Variants in ADAMTSL1 observed in about 807,000 individuals in gnomAD.
ADAMTSL1 encodes the protein ADAMTS-like protein 1.
A neutral mutation model predicts 201.8 loss-of-function variants in ADAMTSL1; 126 were observed. That is an observed-to-expected ratio of 0.62 (90% confidence interval 0.54 to 0.72). ADAMTSL1 has a LOEUF of 0.72. Among genes scored for constraint, ADAMTSL1 ranks in the 30% least tolerant of loss-of-function variants. The pLI, the probability that ADAMTSL1 is intolerant of heterozygous loss-of-function variation, is 0.00. For synonymous variants in ADAMTSL1, 1,121 were observed against 903.4 expected, an observed-to-expected ratio of 1.24 and a Z score of -4.32; for missense variants, 2,679 against 2,277.8, an observed-to-expected ratio of 1.18 and a Z score of -3.59.
intron 23 of ADAMTSL1, among the ~76,000 whole-genome samples, chr9:18,881,564 G>T (rs1289392626): frequency 6.6e-6 from 1 of 152,038 alleles, no homozygotes; most frequent in Non-Finnish European, 1.5e-5. Context: ...AATTACAATA[G>T]TAACATCAAA....
At chr9:18,226,404 G>C (rs1471575818) in intron 2 of ADAMTSL1, among the ~76,000 whole-genome samples, 1 of 152,086 alleles carries the variant, frequency 6.6e-6, no homozygotes, top group East Asian at 1.9e-4. Context: ...TATTGAGTCT[G>C]ACATCAGTTC....
At chr9:18,742,618 T>G (rs747330038) in intron 15 of ADAMTSL1, among the ~76,000 whole-genome samples, 1 of 152,144 alleles carries the variant, frequency 6.6e-6, no homozygotes, top group Admixed American at 6.5e-5. Context: ...TCCTTGATCT[T>G]GAGGTAGGAA....
chr9:18,538,767 C>A (rs555677029), intron 3 of ADAMTSL1, among the ~76,000 whole-genome samples: 1 of 152,264 alleles, frequency 6.6e-6, no homozygotes, highest in East Asian at 1.9e-4. Context: ...GGTAAATTCC[C>A]ATTTGGTCTA....
At chr9:18,057,556 A>G (rs930683459) in intron 1 of ADAMTSL1, among the ~76,000 whole-genome samples, 1 of 152,176 alleles carries the variant, frequency 6.6e-6, no homozygotes, top group Non-Finnish European at 1.5e-5. Context: ...CAAGGGAGAA[A>G]TCATATTGGC....
At chr9:18,284,939 C>T (rs185394405) in intron 2 of ADAMTSL1, among the ~76,000 whole-genome samples, 5 of 151,366 alleles carry the variant, frequency 3.3e-5, no homozygotes, top group Admixed American at 6.6e-5. Flanking sequence ...TTTAATCAAT[C>T]TAAGACTATT....
chr9:17,950,083 T>C (rs771950901), intron 1 of ADAMTSL1, among the ~76,000 whole-genome samples: 1 of 152,100 alleles, frequency 6.6e-6, no homozygotes, highest in Non-Finnish European at 1.5e-5. Flanking sequence ...CACTGCCAGC[T>C]TATTTTTTGT....
chr9:18,134,871 G>A (rs1587130359), intron 1 of ADAMTSL1, among the ~76,000 whole-genome samples: 1 of 152,162 alleles, frequency 6.6e-6, no homozygotes, highest in Admixed American at 6.6e-5. Context: ...CTGAAGACTT[G>A]TTGGGGACTG....
intron 4 of ADAMTSL1, among the ~76,000 whole-genome samples, chr9:18,580,623 A>C (rs993517263): frequency 2.6e-5 from 4 of 152,222 alleles, no homozygotes; most frequent in Admixed American, 2.6e-4. Flanking sequence ...GCATTCTTCC[A>C]ACAATCTGCT....
At chr9:17,922,334 T>C (rs1303289697) in intron 1 of ADAMTSL1, among the ~76,000 whole-genome samples, 6 of 152,134 alleles carry the variant, frequency 3.9e-5, no homozygotes, top group African/African-American at 1.4e-4. Context: ...TAGTCTTGTG[T>C]TTCACAAACT....
chr9:18,632,940 G>T (rs1035262115), intron 5 of ADAMTSL1, among the ~76,000 whole-genome samples: 1 of 152,070 alleles, frequency 6.6e-6, no homozygotes, highest in African/African-American at 2.4e-5. Flanking sequence ...TTTCTAGGAG[G>T]TTCTTCTCCT....
intron 1 of ADAMTSL1, among the ~76,000 whole-genome samples, chr9:18,115,660 G>A (rs1825218790): frequency 6.6e-6 from 1 of 152,094 alleles, no homozygotes; most frequent in Non-Finnish European, 1.5e-5. Flanking sequence ...CAACCCTCAT[G>A]AAATGGGCAT....
intron 2 of ADAMTSL1, among the ~76,000 whole-genome samples, chr9:18,281,116 C>A (rs1476457090): frequency 1.3e-5 from 2 of 152,096 alleles, no homozygotes; most frequent in Non-Finnish European, 2.9e-5. Flanking sequence ...GGCCCACATA[C>A]ACACAATACC....
chr9:18,096,829 C>A (rs1288302382), intron 1 of ADAMTSL1, among the ~76,000 whole-genome samples: 1 of 152,112 alleles, frequency 6.6e-6, no homozygotes, highest in African/African-American at 2.4e-5. Context: ...GATAAGATTT[C>A]TGCCACTATA....
At chr9:18,569,291 C>T (rs887761168) in intron 3 of ADAMTSL1, among the ~76,000 whole-genome samples, 1 of 152,130 alleles carries the variant, frequency 6.6e-6, no homozygotes, top group Non-Finnish European at 1.5e-5. Context: ...AATAAAAGGT[C>T]AGCTTTTATT....
chr9:18,181,046 T>C (rs906919124), intron 2 of ADAMTSL1, among the ~76,000 whole-genome samples: 2 of 152,210 alleles, frequency 1.3e-5, no homozygotes, highest in African/African-American at 4.8e-5. Flanking sequence ...AAGGATTCCC[T>C]ATTTAATAAA....
intron 1 of ADAMTSL1, among the ~76,000 whole-genome samples, chr9:18,148,778 C>A (rs1324311494): frequency 6.6e-6 from 1 of 151,776 alleles, no homozygotes; most frequent in African/African-American, 2.4e-5. Context: ...CACATTTAAA[C>A]AAAAAGAGTT....
At chr9:18,375,788 CCTT>C in intron 2 of ADAMTSL1, among the ~76,000 whole-genome samples, 1 of 152,316 alleles carries the variant, frequency 6.6e-6, no homozygotes, top group Non-Finnish European at 1.5e-5. Context: ...GCTTTTATTC[CCTT>C]TTTTGTCCCT....
In ADAMTSL1 at chr9:18,351,583, A is replaced by G. The variant is rs961808112; in HGVS notation, c.208-153246A>G. 3.3e-5 allele frequency among the ~76,000 whole-genome samples: 5 copies of G among 152,234 alleles called. No homozygotes were observed. The South Asian group carries it at 6.2e-4, about 19-fold the overall frequency. ...CACATAATTCTTTAAAAATATAAATACTTAGTAAGTTTAGGCCAACAGGGG... is the reference window on the plus strand; with the variant it reads ...CACATAATTCTTTAAAAATATAAATGCTTAGTAAGTTTAGGCCAACAGGGG... On this transcript the variant is annotated intron_variant, in intron 2 of 29. Coordinates refer to the ADAMTSL1 transcript ENST00000680146.
intron 2 of ADAMTSL1, among the ~76,000 whole-genome samples, chr9:18,306,834 A>G (rs1833926233): frequency 6.6e-6 from 1 of 152,176 alleles, no homozygotes; most frequent in South Asian, 2.1e-4. Flanking sequence ...AATTCAGGAA[A>G]TACAGAAAAC....
Sources: gnomAD v4.1 joint callset for allele counts (sites outside exome capture counted in the v4.1 genomes callset) on GRCh38, gnomAD v4.1.1 for gene constraint, MANE v1.5 for transcripts, NCBI Gene and HGNC (gene_info 2026-07-23, HGNC 2026-07-21) for gene names.